Variants in RNLS observed in about 807,000 individuals in gnomAD.
RNLS encodes renalase.
RNLS carries 39 observed loss-of-function variants against 39.8 expected under a neutral mutation model. The ratio of observed to expected loss-of-function variants is 0.98; its 90% confidence interval spans 0.76 to 1.28. RNLS has a LOEUF of 1.28. Among genes scored for constraint, RNLS ranks in the 50% most tolerant of loss-of-function variants. The pLI, the probability that RNLS is intolerant of heterozygous loss-of-function variation, is 0.00. For missense variants in RNLS, 410 were observed against 413.3 expected, an observed-to-expected ratio of 0.99 and a Z score of 0.07; for synonymous variants, 147 against 150.7, an observed-to-expected ratio of 0.98 and a Z score of 0.18.
At chr10:88,271,352 A>G (rs1342782385), downstream of RNLS, among the ~76,000 whole-genome samples, 1 of 152,166 alleles carries the variant, frequency 6.6e-6, no homozygotes, top group Non-Finnish European at 1.5e-5. Context: ...AGTTTGAGTA[A>G]TTCCATTTTC....
intron 4 of RNLS, among the ~76,000 whole-genome samples, chr10:88,555,057 C>T (rs184688341): frequency 5.7e-4 from 87 of 152,064 alleles, no homozygotes; most frequent in Non-Finnish European, 1.1e-3. Flanking sequence ...ATATGTAAGG[C>T]ATAGATATAT....
chr10:88,177,319 A>G, the RNLS span, among the ~76,000 whole-genome samples: 1 of 152,192 alleles, frequency 6.6e-6, no homozygotes, highest in Non-Finnish European at 1.5e-5. Flanking sequence ...TTTAAAAACC[A>G]TCCTTCAAGT....
At chr10:88,293,863 C>T (rs1753023799) in intron 6 of RNLS, among the ~76,000 whole-genome samples, 1 of 152,080 alleles carries the variant, frequency 6.6e-6, no homozygotes, top group Admixed American at 6.5e-5. Context: ...ACTGGATAAC[C>T]TGAGTGTGGG....
At chr10:88,473,212 G>GTATA (rs1398593112) in intron 4 of RNLS, among the ~76,000 whole-genome samples, 1 of 152,154 alleles carries the variant, frequency 6.6e-6, no homozygotes, top group Non-Finnish European at 1.5e-5. Context: ...GACCACTGAC[G>GTATA]TATATGTGAT....
chr10:88,405,083 G>A (rs792201), intron 4 of RNLS, among the ~76,000 whole-genome samples: 25,033 of 151,986 alleles, frequency 0.16, 2,745 homozygotes, highest in Non-Finnish European at 0.25. Context: ...CCTTCTCTGG[G>A]GATCTTTAAG....
chr10:88,552,851 C>T (rs982518147), intron 4 of RNLS, among the ~76,000 whole-genome samples: 3 of 152,168 alleles, frequency 2.0e-5, no homozygotes, highest in African/African-American at 4.8e-5. Flanking sequence ...AATAACCCAA[C>T]AGCTTAGTTT....
rs542181325 is a variant in RNLS, at chr10:88,418,484, C to T, written c.527-55759G>A. On this transcript the variant is annotated intron_variant, in intron 4 of 6. Coordinates refer to ENST00000331772, the MANE Select transcript of RNLS (RefSeq NM_001031709.3). ...TCACATTGTGCTATACCTGTGAATA[C>T]TTCTTTCATTATGATGTTATTGAAA... Among the ~76,000 whole-genome samples the T allele has an allele frequency of 9.9e-5, 15 of 152,268 alleles. No individual in the cohort carries two copies. In the East Asian group the frequency reaches 2.9e-3, roughly 29 times the overall value.
chr10:88,477,915 T>A (rs1564832185), intron 4 of RNLS, among the ~76,000 whole-genome samples: 1 of 152,218 alleles, frequency 6.6e-6, no homozygotes, highest in Non-Finnish European at 1.5e-5. Context: ...CAATACTAGC[T>A]GGAGGTTCAC....
Position 88,285,172 on chromosome 10 carries a change from C to A in RNLS, c.*182G>T. ...GTGCAAGGTGTGAGGAATTTCCATT[C>A]TAGCATGGGTTGTAACTATCAAAAT... On this transcript the variant is annotated 3_prime_UTR_variant, in exon 7 of 7. Coordinates refer to ENST00000331772, the MANE Select transcript of RNLS (RefSeq NM_001031709.3). 8.6e-7 allele frequency: 1 copy of A among 1,165,054 alleles called. No individual in the cohort carries two copies. 72.2% of individuals were successfully genotyped at this position (1,165,054 alleles called of 1,614,324 possible). A position where few individuals can be genotyped will look rare whatever the true frequency, so the allele number is the denominator to read the frequency against.
At chr10:88,377,768 T>C (rs558918054) in intron 4 of RNLS, among the ~76,000 whole-genome samples, 12 of 152,332 alleles carry the variant, frequency 7.9e-5, no homozygotes, top group African/African-American at 2.4e-4. Context: ...GTAGACTTTA[T>C]ATACACTGTA....
At chr10:88,343,661 G>GAA in intron 5 of RNLS, 2 of 985,322 alleles carry the variant, frequency 2.0e-6, no homozygotes, top group South Asian at 9.4e-5. Context: ...TCCATTCAAA[G>GAA]AAAAGGCCAC....
intron 5 of RNLS, among the ~76,000 whole-genome samples, chr10:88,352,596 G>T (rs1028360576): frequency 6.6e-6 from 1 of 152,154 alleles, no homozygotes; most frequent in Non-Finnish European, 1.5e-5. Flanking sequence ...GCTGGATTTG[G>T]TTTGCCAGTA....
chr10:88,289,899 T>C (rs936225633), intron 6 of RNLS, among the ~76,000 whole-genome samples: 1 of 152,150 alleles, frequency 6.6e-6, no homozygotes, highest in Non-Finnish European at 1.5e-5. Flanking sequence ...TGCACTGCTT[T>C]AATGACTGTC....
At chr10:88,347,343 T>A in intron 5 of RNLS, among the ~76,000 whole-genome samples, 1 of 152,106 alleles carries the variant, frequency 6.6e-6, no homozygotes, top group East Asian at 1.9e-4. Flanking sequence ...ACAGACAGCC[T>A]TTTTCCAGGT....
the RNLS span, among the ~76,000 whole-genome samples, chr10:88,264,489 T>G: frequency 3.2e-4 from 48 of 149,818 alleles, no homozygotes; most frequent in African/African-American, 1.2e-3. Flanking sequence ...TCTATTATTT[T>G]TTGATTTTTT....
intron 4 of RNLS, among the ~76,000 whole-genome samples, chr10:88,551,631 A>C (rs1378583623): frequency 6.6e-6 from 1 of 152,138 alleles, no homozygotes; most frequent in Non-Finnish European, 1.5e-5. Context: ...ATTTTTCAAA[A>C]AATCTTTAAA....
intron 4 of RNLS, among the ~76,000 whole-genome samples, chr10:88,404,609 G>A (rs1050079932): frequency 9.2e-5 from 14 of 152,032 alleles, no homozygotes; most frequent in African/African-American, 2.9e-4. Flanking sequence ...GCTTAAGTTT[G>A]ACGGGAAAGC....
the RNLS span, among the ~76,000 whole-genome samples, chr10:88,254,528 A>C: frequency 6.6e-6 from 1 of 152,244 alleles, no homozygotes; most frequent in Non-Finnish European, 1.5e-5. Flanking sequence ...CAGAGGTGAC[A>C]GAACTTCCCT....
chr10:88,285,656 A>G, intron 6 of RNLS, 150 bp from the exon 7 acceptor site: 1 of 649,908 alleles, frequency 1.5e-6, no homozygotes, highest in Non-Finnish European at 2.6e-6. Context: ...ACACACAAGA[A>G]ACAAAAAACA....
Sources: gnomAD v4.1 joint callset for allele counts (sites outside exome capture counted in the v4.1 genomes callset) on GRCh38, gnomAD v4.1.1 for gene constraint, MANE v1.5 for transcripts, NCBI Gene and HGNC (gene_info 2026-07-23, HGNC 2026-07-21) for gene names.